TPRA1: variants seen among roughly 807,000 people sequenced by gnomAD.
TPRA1 encodes the protein transmembrane protein adipocyte associated 1.
A neutral mutation model predicts 40.1 loss-of-function variants in TPRA1; 28 were observed. That is an observed-to-expected ratio of 0.70 (90% CI 0.52 to 0.96). The LOEUF (loss-of-function observed/expected upper bound fraction) is 0.96. TPRA1 is among the 40% of genes least tolerant of loss of function. The probability of loss-of-function intolerance (pLI) is 0.00; values close to 1 mark genes in which losing one functional copy is unlikely to be tolerated. For synonymous variants in TPRA1, 219 were observed against 209.7 expected (o/e 1.04, Z -0.38); for missense variants, 441 against 482.6 (o/e 0.91, Z 0.81).
At chr3:127,575,109 A>C in intron 10 of TPRA1, 76 bp downstream of exon 10, 1 of 1,516,540 alleles carries the variant, frequency 6.6e-7, no homozygotes. Flanking sequence ...TCTCAGCTTC[A>C]ATCCTCACAC....
Position 127,576,120 on chromosome 3 carries a change from G to T in TPRA1, c.499-70C>A. On this transcript the variant is annotated intron_variant, in intron 6 of 10. Transcript: ENST00000355552. The surrounding 1 kb of genome is among the most constrained non-coding windows in gnomAD (Gnocchi z 4.6). Reference sequence around the variant, plus strand: ...CTTCTCTCTCCCAGGGGCTTTCCCTGATGCAAAGCCCCCTAAGCTCTCCAC... The same window carrying T: ...CTTCTCTCTCCCAGGGGCTTTCCCTTATGCAAAGCCCCCTAAGCTCTCCAC... The T allele has an allele frequency of 8.0e-7, 1 of 1,249,114 alleles. No individual in the cohort carries two copies. Among genetic ancestry groups the T allele is most frequent in the Non-Finnish European group, 1.2e-6 (1 of 863,972 alleles). The allele number at this position is 1,249,114 out of a possible 1,614,324, so 77.4% of individuals were successfully genotyped here. A position where few individuals can be genotyped will look rare whatever the true frequency, so the allele number is the denominator to read the frequency against.
upstream of TPRA1, chr3:127,590,966 G>C (rs979028253): frequency 1.3e-5 from 2 of 152,302 alleles, no homozygotes; most frequent in Non-Finnish European, 2.9e-5. Flanking sequence ...CACTCGGAAA[G>C]CGGGCGGAAT....
At chr3:127,583,433 G>C (rs2073895590) in intron 1 of TPRA1, among the ~76,000 whole-genome samples, 1 of 152,196 alleles carries the variant, frequency 6.6e-6, no homozygotes, top group Non-Finnish European at 1.5e-5. Context: ...AGGAGTTCGA[G>C]GCTGCAGTGA....
chr3:127,585,802 G>C (rs2073981954), intron 1 of TPRA1, among the ~76,000 whole-genome samples: 2 of 152,036 alleles, frequency 1.3e-5, no homozygotes. Flanking sequence ...GTTCAAGCAG[G>C]GGCCCCTCCC....
intron 1 of TPRA1, among the ~76,000 whole-genome samples, chr3:127,583,508 A>T (rs1218415582): frequency 6.6e-6 from 1 of 152,114 alleles, no homozygotes; most frequent in Non-Finnish European, 1.5e-5. Flanking sequence ...AAAAAAGAAT[A>T]AATTAATTAA....
At chr3:127,585,668 G>A (rs1263226937) in intron 1 of TPRA1, among the ~76,000 whole-genome samples, 1 of 152,230 alleles carries the variant, frequency 6.6e-6, no homozygotes, top group Non-Finnish European at 1.5e-5. Flanking sequence ...GGCTGATGGT[G>A]CAGTTTCTGG....
intron 3 of TPRA1, among the ~76,000 whole-genome samples, chr3:127,579,320 G>C (rs374290385): frequency 6.6e-6 from 1 of 152,186 alleles, no homozygotes; most frequent in Non-Finnish European, 1.5e-5. Flanking sequence ...CAATTCTGTT[G>C]TGGGCTCCCT....
chr3:127,580,054 C>T lies in TPRA1; in HGVS notation c.93G>A (p.Leu31=), dbSNP rs1389348157. The T allele has an allele frequency of 1.2e-6, 2 of 1,613,826 alleles. No individual in the cohort carries two copies. Among genetic ancestry groups the T allele is most frequent in the African/African-American group, 2.7e-5 (2 of 74,936 alleles). The part of the protein sequence containing the change: ...APNISVPHRC[L]LLLYEDIGTS... ...TGCCAATGTCTTCGTAGAGCAGCAG[C>T]AGGCAGCGATGAGGCACACTGATGT... Residue 31 remains leucine, a synonymous_variant, in exon 2 of 11, where the codon CTG becomes CTA. Transcript: ENST00000355552.
intron 1 of TPRA1, among the ~76,000 whole-genome samples, chr3:127,581,194 T>C (rs2073819745): frequency 6.6e-6 from 1 of 152,172 alleles, no homozygotes; most frequent in South Asian, 2.1e-4. Context: ...ACATTTAGAA[T>C]GATTTGAACA....
chr3:127,590,384 G>C (rs966434270), intron 1 of TPRA1, 26 bp downstream of exon 1: 12 of 152,216 alleles, frequency 7.9e-5, no homozygotes, highest in Non-Finnish European at 1.2e-4. Context: ...GCTGCGGCAG[G>C]AGACGGGGAG....
rs2073383265 is a variant in TPRA1, at chr3:127,571,786, T to C, written c.*1735A>G. The C allele has an allele frequency of 6.6e-6, 1 of 151,584 alleles. No individual in the cohort carries two copies. The highest frequency in any genetic ancestry group is 2.1e-4 in the South Asian group (1 of 4,790). 9.4% of individuals were successfully genotyped at this position (151,584 alleles called of 1,614,324 possible). On this transcript the variant is annotated 3_prime_UTR_variant, in exon 11 of 11. Coordinates refer to ENST00000355552, the MANE Select transcript of TPRA1 (RefSeq NM_001136053.4). ...AATACCCTCCTGTACTGCATGAACC[T>C]TTTTTTTTCTTGCCATGTACATATA... is the stretch of plus-strand genomic sequence containing the variant.
intron 1 of TPRA1, among the ~76,000 whole-genome samples, chr3:127,589,103 T>A (rs938495993): frequency 5.9e-5 from 9 of 152,072 alleles, no homozygotes; most frequent in African/African-American, 2.2e-4. Flanking sequence ...TGGGACAGAC[T>A]GTTTCTTCCA....
chr3:127,580,739 C>T (rs1355096768), intron 1 of TPRA1, among the ~76,000 whole-genome samples: 1 of 152,272 alleles, frequency 6.6e-6, no homozygotes, highest in Non-Finnish European at 1.5e-5. Flanking sequence ...GAGCTGAGCA[C>T]CATGCCCTCC....
chr3:127,591,148 G>C (rs1277413028), upstream of TPRA1: 3 of 152,092 alleles, frequency 2.0e-5, no homozygotes, highest in Non-Finnish European at 4.4e-5. Context: ...CGGGCGCTTC[G>C]GGCGCCCTGC....
chr3:127,595,933 C>T (rs2074236259), intron 1 of TPRA1, among the ~76,000 whole-genome samples: 1 of 152,138 alleles, frequency 6.6e-6, no homozygotes, highest in Admixed American at 6.5e-5. Context: ...GATGAGCCTT[C>T]AGAGGAGACA....
At position 127,576,214 on chromosome 3, in the gene TPRA1, T is replaced by C. The variant is rs1177209342; in HGVS notation, c.499-164A>G. 2.0e-5 allele frequency among the ~76,000 whole-genome samples: 3 copies of C among 152,186 alleles called. No homozygotes were observed. Among genetic ancestry groups the C allele is most frequent in the Non-Finnish European group, 1.5e-5 (1 of 68,028 alleles). ...CCCAGTCTGCTCCCTGGCCATGTCC[T>C]GCCCAACTGATTGCAGCATCCAGAG... On this transcript the variant is annotated intron_variant, in intron 6 of 10. Transcript: ENST00000355552. This position sits in a 1 kb window ranked among gnomAD's most constrained non-coding sequence, Gnocchi z 4.6.
At chr3:127,588,532 C>T (rs1033781002) in intron 1 of TPRA1, among the ~76,000 whole-genome samples, 4 of 151,786 alleles carry the variant, frequency 2.6e-5, no homozygotes, top group Non-Finnish European at 4.4e-5. Flanking sequence ...GCGATTCTCC[C>T]GCCTCAGCCT....
exon 1 of TPRA1, chr3:127,598,064 C>G (rs1430201448): frequency 3.4e-6 from 1 of 298,476 alleles, no homozygotes; most frequent in African/African-American, 2.3e-5. Flanking sequence ...CCTCGGCTTC[C>G]CAAAGTGCTG....
rs1394870531 is a variant in TPRA1 at position 127,577,050 on chromosome 3, A to G, written c.285T>C (p.Ile95=). The change falls in exon 4 of 11, where the codon ATT becomes ATC. Residue 95 remains isoleucine (I), a synonymous_variant. Transcript: ENST00000355552. The part of the protein sequence containing the change: ...ILVFVVALVG[I]ARAVVSMTVS... ...CCGTCATGGATACCACGGCCCGGGC[A>G]ATGCCCACCAGCGCCACCACAAACA... The G allele has an allele frequency of 6.2e-7, 1 of 1,613,382 alleles. No individual in the cohort carries two copies. The highest frequency in any genetic ancestry group is 8.5e-7 in the Non-Finnish European group (1 of 1,180,024).
Sources: allele counts gnomAD v4.1 joint callset (sites outside exome capture counted in the v4.1 genomes callset), GRCh38; gene constraint gnomAD v4.1.1; non-coding constraint Gnocchi (gnomAD v3.1); transcripts MANE v1.5; gene names NCBI Gene and HGNC (gene_info 2026-07-23, HGNC 2026-07-21).